KLHL31: variants seen among roughly 807,000 people sequenced by gnomAD.
KLHL31 encodes kelch like family member 31.
KLHL31 carries 32 observed loss-of-function variants against 47.1 expected under a neutral mutation model. That is an observed-to-expected ratio of 0.68 (90% CI 0.51 to 0.91). The LOEUF is 0.91. KLHL31 is among the 40% of genes least tolerant of loss of function. The pLI is 0.00. For missense variants in KLHL31, 797 were observed against 819.3 expected (o/e 0.97, Z 0.33); for synonymous variants, 330 against 325.1 (o/e 1.01, Z -0.16).
intron 1 of KLHL31, among the ~76,000 whole-genome samples, chr6:53,661,778 C>T (rs1389742090): frequency 6.6e-6 from 1 of 152,146 alleles, no homozygotes; most frequent in Non-Finnish European, 1.5e-5. Context: ...AGGTCATCAT[C>T]AATGATAGTC....
At chr6:53,665,496 G>T (rs1027835826) in intron 1 of KLHL31, 105 bp downstream of exon 1, 2 of 152,168 alleles carry the variant, frequency 1.3e-5, no homozygotes, top group Non-Finnish European at 2.9e-5. Flanking sequence ...CAGTAAAATA[G>T]CTCTACAACC....
rs779830630 is a variant in KLHL31 at position 53,652,126 on chromosome 6, G to A, written c.1377C>T (p.His459=). 8.1e-6 allele frequency: 13 copies of A among 1,601,824 alleles called. No individual in the cohort carries two copies. Among genetic ancestry groups the A allele is most frequent in the African/African-American group, 1.3e-5 (1 of 74,998 alleles). ...CGCGGCCGTCGGCGACCGCGCTAGC[G>A]TGGCAGCAGCGCGCCACCTCCAGGG... is the stretch of plus-strand genomic sequence containing the variant. ...KTPLEVARCC[H]ASAVADGRVL... The change falls in exon 3 of 3, where the codon CAC becomes CAT. Residue 459 remains histidine (H), a synonymous_variant. Coordinates refer to ENST00000370905, the MANE Select transcript of KLHL31 (RefSeq NM_001003760.5).
rs1019600909 is a variant in KLHL31 at position 53,648,197 on chromosome 6, G to A, written c.*3401C>T. On this transcript the variant is annotated 3_prime_UTR_variant, in exon 3 of 3. Coordinates refer to ENST00000370905, the MANE Select transcript of KLHL31 (RefSeq NM_001003760.5). The stretch of plus-strand genomic sequence containing the variant: ...TAGATTGTTTAATTCTTATAATTAC[G>A]AATAAAGGACTGTTTGGAAAATTAT... 1 of 152,536 alleles carries A rather than the reference G, an allele frequency of 6.6e-6. No individual in the cohort carries two copies. The highest frequency in any genetic ancestry group is 1.5e-5 in the Non-Finnish European group (1 of 68,014). 9.4% of individuals were successfully genotyped at this position (152,536 alleles called of 1,614,324 possible). A position where few individuals can be genotyped will look rare whatever the true frequency, so the allele number is the denominator to read the frequency against.
At chr6:53,662,284 C>A (rs1007583221) in intron 1 of KLHL31, among the ~76,000 whole-genome samples, 2 of 152,144 alleles carry the variant, frequency 1.3e-5, no homozygotes, top group African/African-American at 2.4e-5. Context: ...CTTTTGGGAT[C>A]AAAGGAAGGA....
Position 53,648,530 on chromosome 6 carries a change from A to C in KLHL31, c.*3068T>G, listed in dbSNP as rs983864623. The stretch of plus-strand genomic sequence containing the variant: ...CCTCTATTTACATGTGTATTTGTAA[A>C]ATACACTTACTACAACTGCTGCTTT... On this transcript the variant is annotated 3_prime_UTR_variant, in exon 3 of 3. Transcript: ENST00000370905. The C allele has an allele frequency of 6.6e-6, 1 of 152,198 alleles. No homozygotes were observed. Among genetic ancestry groups the C allele is most frequent in the African/African-American group, 2.4e-5 (1 of 41,442 alleles). 9.4% of individuals were successfully genotyped at this position (152,198 alleles called of 1,614,324 possible).
chr6:53,658,700 G>T (rs76534223), intron 1 of KLHL31, among the ~76,000 whole-genome samples: 1 of 151,964 alleles, frequency 6.6e-6, no homozygotes, highest in Non-Finnish European at 1.5e-5. Flanking sequence ...TTTGTGATCC[G>T]AATAGAATTA....
intron 1 of KLHL31, among the ~76,000 whole-genome samples, chr6:53,661,763 C>A (rs371507851): frequency 8.5e-5 from 13 of 152,142 alleles, no homozygotes; most frequent in Non-Finnish European, 1.8e-4. Flanking sequence ...TCACTGTGCA[C>A]TTCTAGGTCA....
intron 1 of KLHL31, among the ~76,000 whole-genome samples, chr6:53,656,698 T>C (rs1764566179): frequency 6.6e-6 from 1 of 152,102 alleles, no homozygotes; most frequent in Admixed American, 6.6e-5. Context: ...GAATTAAATA[T>C]CTAAGTAACA....
At position 53,651,756 on chromosome 6, in the gene KLHL31, ACTT is replaced by A; in HGVS notation, c.1744_1746del (p.Lys582del). On this transcript the variant is annotated inframe_deletion, in exon 3 of 3. Coordinates refer to ENST00000370905, the MANE Select transcript of KLHL31 (RefSeq NM_001003760.5). ...AGCTCGGGGCTGAAGCACTGGATGC[ACTT>A]CTTGTACTTCTTCTCGCCCTCGTTC... is the stretch of plus-strand genomic sequence containing the variant. The A allele has an allele frequency of 6.2e-7, 1 of 1,614,030 alleles. No individual in the cohort carries two copies. Among genetic ancestry groups the A allele is most frequent in the Non-Finnish European group, 8.5e-7 (1 of 1,180,028 alleles).
Position 53,654,263 on chromosome 6 carries a change from A to AGG in KLHL31, c.1009_1010insCC (p.Leu337SerfsTer27). On this transcript the variant is annotated frameshift_variant, in exon 2 of 3. Transcript: ENST00000370905. LOFTEE classifies it high-confidence loss of function. The stretch of plus-strand genomic sequence containing the variant: ...CCATCCATTTTCAGGGTCTCTATAC[A>AGG]AGATGTCTCTGCTAAGGGACTTCTC... The AGG allele has an allele frequency of 6.2e-7, 1 of 1,614,200 alleles. No homozygotes were observed. Among genetic ancestry groups the AGG allele is most frequent in the Non-Finnish European group, 8.5e-7 (1 of 1,180,034 alleles).
intron 1 of KLHL31, among the ~76,000 whole-genome samples, chr6:53,655,811 T>G (rs911175796): frequency 6.6e-6 from 1 of 152,092 alleles, no homozygotes; most frequent in South Asian, 2.1e-4. Context: ...TTTACCATGT[T>G]GGCCAGACTG....
In KLHL31 at chr6:53,655,172, T is replaced by C. The variant is rs148960873; in HGVS notation, c.101A>G (p.Asn34Ser). 7 of 1,613,956 alleles carry C rather than the reference T, an allele frequency of 4.3e-6. No individual in the cohort carries two copies. The highest frequency in any genetic ancestry group is 1.1e-5 in the South Asian group (1 of 91,056). The stretch of plus-strand genomic sequence containing the variant: ...GCCATTGCCTCCCTCTAGGAGCCCA[T>C]TCAAAGCATTCAGTTTGTTTAGGGG... ...DSPLNKLNAL[N>S]GLLEGGNGLS... Residue 34 changes from asparagine (N) to serine (S), a missense_variant, in exon 2 of 3, where the codon AAT becomes AGT. Coordinates refer to ENST00000370905, the MANE Select transcript of KLHL31 (RefSeq NM_001003760.5).
At position 53,655,156 on chromosome 6, in the gene KLHL31, TC is replaced by T; in HGVS notation, c.116del (p.Gly39GlufsTer12). 6.2e-7 allele frequency: 1 copy of T among 1,614,116 alleles called. No homozygotes were observed. The highest frequency in any genetic ancestry group is 8.5e-7 in the Non-Finnish European group (1 of 1,179,992). On this transcript the variant is annotated frameshift_variant, in exon 2 of 3. Coordinates refer to ENST00000370905, the MANE Select transcript of KLHL31 (RefSeq NM_001003760.5). LOFTEE classifies it high-confidence loss of function. ...KLNALNGLLE[G>X]GNGLSCISSE... ...AAGAAATGCAGCTAAGGCCATTGCC[TC>T]CCTCTAGGAGCCCATTCAAAGCATT...
rs867440563 is a variant in KLHL31 at position 53,652,103 on chromosome 6, C to A, written c.1400G>T (p.Arg467Leu). 6.3e-7 allele frequency: 1 copy of A among 1,599,860 alleles called. No individual in the cohort carries two copies. The highest frequency in any genetic ancestry group is 2.2e-5 in the East Asian group (1 of 44,782). The change falls in exon 3 of 3, where the codon CGC (arginine) becomes CTC (leucine). Residue 467 changes from arginine (R) to leucine (L), a missense_variant. Coordinates refer to ENST00000370905, the MANE Select transcript of KLHL31 (RefSeq NM_001003760.5). ...CCHASAVADG[R>L]VLVTGGYIAN... ...TATGTAGCCTCCGGTCACCAGCACG[C>A]GGCCGTCGGCGACCGCGCTAGCGTG...
In KLHL31 at chr6:53,651,651, C is replaced by G; in HGVS notation, c.1852G>C (p.Val618Leu). The G allele has an allele frequency of 1.2e-6, 2 of 1,614,146 alleles. No individual in the cohort carries two copies. The highest frequency in any genetic ancestry group is 2.2e-5 in the South Asian group (2 of 91,086). The change falls in exon 3 of 3, where the codon GTG (valine) becomes CTG (leucine). Residue 618 changes from valine to leucine, a missense_variant. Val to Leu is a conservative substitution (Grantham distance 32). Coordinates refer to ENST00000370905, the MANE Select transcript of KLHL31 (RefSeq NM_001003760.5). ...SCCTLSMPNN[V>L]TRESRASSVS... ...GAACTGGCCCGGGATTCCCGAGTCACGTTGTTGGGCATCGAGAGGGTGCAG... is the reference window on the plus strand; with the variant it reads ...GAACTGGCCCGGGATTCCCGAGTCAGGTTGTTGGGCATCGAGAGGGTGCAG...
At position 53,648,225 on chromosome 6, in the gene KLHL31, T is replaced by C. The variant is rs1278517661; in HGVS notation, c.*3373A>G. ...TAAAGGACTGTTTGGAAAATTATTC[T>C]GTAGGTTTTTTGGCATGAAAAGAAA... is the stretch of plus-strand genomic sequence containing the variant. On this transcript the variant is annotated 3_prime_UTR_variant, in exon 3 of 3. Coordinates refer to ENST00000370905, the MANE Select transcript of KLHL31 (RefSeq NM_001003760.5). 1 of 152,556 alleles carries C rather than the reference T, an allele frequency of 6.6e-6. No homozygotes were observed. The highest frequency in any genetic ancestry group is 2.4e-5 in the African/African-American group (1 of 41,448). The allele number at this position is 152,556 out of a possible 1,614,324, so 9.5% of individuals were successfully genotyped here.
In KLHL31 at chr6:53,654,480, CA is replaced by C. The variant is rs1764524931; in HGVS notation, c.792del (p.Ala265HisfsTer14). 1 of 1,614,064 alleles carries C rather than the reference CA, an allele frequency of 6.2e-7. No individual in the cohort carries two copies. Among genetic ancestry groups the C allele is most frequent in the Admixed American group, 1.7e-5 (1 of 60,000 alleles). On this transcript the variant is annotated frameshift_variant, in exon 2 of 3. Transcript: ENST00000370905. LOFTEE classifies it high-confidence loss of function. Reference sequence around the variant, plus strand: ...TGAACATAATTGACCAGGTCTTGTGCAGAGATGGTACCAAAGCGAATATTGC... The same window carrying C: ...TGAACATAATTGACCAGGTCTTGTGCGAGATGGTACCAAAGCGAATATTGC... ...LLSNIRFGTI[S>X]AQDLVNYVQS...
chr6:53,657,808 T>C (rs1332997893), intron 1 of KLHL31, among the ~76,000 whole-genome samples: 1 of 152,114 alleles, frequency 6.6e-6, no homozygotes, highest in Non-Finnish European at 1.5e-5. Context: ...AGAAGAAGAG[T>C]AGCAGGTAGG....
Position 53,655,017 on chromosome 6 carries a change from C to T in KLHL31, c.256G>A (p.Val86Ile). 1 of 1,614,130 alleles carries T rather than the reference C, an allele frequency of 6.2e-7. No homozygotes were observed. Among genetic ancestry groups the T allele is most frequent in the Non-Finnish European group, 8.5e-7 (1 of 1,180,022 alleles). ...VIGTKTKSFDVHKSVMASCSE... is the reference protein window; with the variant it reads ...VIGTKTKSFDIHKSVMASCSE... ...CATGAAGCCATGACTGACTTATGAA[C>T]ATCAAAGGATTTGGTTTTGGTACCA... is the stretch of plus-strand genomic sequence containing the variant. Residue 86 changes from valine (V) to isoleucine (I), a missense_variant, in exon 2 of 3, where the codon GTT becomes ATT. Val to Ile is a conservative substitution (Grantham distance 29). Transcript: ENST00000370905.
Sources: allele counts gnomAD v4.1 joint callset (sites outside exome capture counted in the v4.1 genomes callset), GRCh38; gene constraint gnomAD v4.1.1; transcripts MANE v1.5; gene names NCBI Gene and HGNC (gene_info 2026-07-23, HGNC 2026-07-21).